The following DNAH6 variants were observed in gnomAD, a reference collection of about 807,000 sequenced individuals.
The protein encoded by DNAH6 is dynein axonemal heavy chain 6.
DNAH6 carries 340 observed loss-of-function variants against 491.4 expected under a neutral mutation model. The ratio of observed to expected loss-of-function variants is 0.69; its 90% confidence interval spans 0.63 to 0.76. DNAH6 has a LOEUF of 0.76. Among genes scored for constraint, DNAH6 ranks in the 30% least tolerant of loss-of-function variants. The probability of loss-of-function intolerance (pLI) is 0.00; values close to 1 mark genes in which losing one functional copy is unlikely to be tolerated. For missense variants in DNAH6, 4,443 were observed against 4,972.2 expected, an observed-to-expected ratio of 0.89 and a Z score of 3.20; for synonymous variants, 1,603 against 1,686.1, an observed-to-expected ratio of 0.95 and a Z score of 1.21.
intron 10 of DNAH6, among the ~76,000 whole-genome samples, chr2:84,554,847 G>T (rs1229523844): frequency 1.3e-5 from 2 of 152,206 alleles, no homozygotes; most frequent in Non-Finnish European, 2.9e-5. Flanking sequence ...ACAAAAGGAG[G>T]CTCTGTCACA....
At chr2:84,587,548 A>G (rs1683688717) in intron 15 of DNAH6, among the ~76,000 whole-genome samples, 1 of 152,236 alleles carries the variant, frequency 6.6e-6, no homozygotes, top group African/African-American at 2.4e-5. Flanking sequence ...TAACTTCATC[A>G]TTTACATAAA....
intron 2 of DNAH6, among the ~76,000 whole-genome samples, chr2:84,521,425 T>C (rs1174910919): frequency 6.6e-6 from 1 of 151,958 alleles, no homozygotes; most frequent in African/African-American, 2.4e-5. Context: ...TGTAGGTTGT[T>C]TTTTCACTCT....
At chr2:84,518,133 A>G in intron 2 of DNAH6, 82 bp downstream of exon 2, 1 of 1,023,388 alleles carries the variant, frequency 9.8e-7, no homozygotes, top group East Asian at 2.6e-5. Flanking sequence ...AGTCATGTCC[A>G]GACTCTGAAC....
intron 66 of DNAH6, 135 bp from the exon 67 acceptor site, chr2:84,785,475 A>G (rs1677088047): frequency 1.1e-5 from 10 of 874,912 alleles, no homozygotes; most frequent in Non-Finnish European, 1.6e-5. Flanking sequence ...CGAACATGCC[A>G]GGAATGGTCC....
chr2:84,659,214 A>G, intron 37 of DNAH6, 45 bp downstream of exon 37: 1 of 1,107,760 alleles, frequency 9.0e-7, no homozygotes. Flanking sequence ...ATTCTGAATT[A>G]TTTAAATTTT....
chr2:84,768,103 G>C (rs1259800139), intron 64 of DNAH6, among the ~76,000 whole-genome samples: 2 of 152,000 alleles, frequency 1.3e-5, no homozygotes, highest in Non-Finnish European at 2.9e-5. Flanking sequence ...CAGAATAATG[G>C]AGGAACTATA....
intron 68 of DNAH6, among the ~76,000 whole-genome samples, chr2:84,794,846 A>C (rs1203221225): frequency 6.8e-6 from 1 of 147,518 alleles, no homozygotes; most frequent in African/African-American, 2.5e-5. Context: ...CCAAAGGACT[A>C]TAAATCATGC....
chr2:84,666,071 T>A (rs1692094957), intron 37 of DNAH6, among the ~76,000 whole-genome samples: 1 of 152,054 alleles, frequency 6.6e-6, no homozygotes, highest in Non-Finnish European at 1.5e-5. Flanking sequence ...CTAAAAACTC[T>A]CAATAAACTA....
intron 56 of DNAH6, among the ~76,000 whole-genome samples, 175 bp from the exon 57 acceptor site, chr2:84,712,920 T>A (rs941985643): frequency 6.6e-6 from 1 of 152,230 alleles, no homozygotes; most frequent in Non-Finnish European, 1.5e-5. Context: ...ATAAAATGCT[T>A]ACTGGAAAAT....
At chr2:84,608,240 A>G (rs1366949727) in intron 21 of DNAH6, among the ~76,000 whole-genome samples, 1 of 12,848 alleles carries the variant, frequency 7.8e-5, no homozygotes, top group Non-Finnish European at 3.2e-4. Flanking sequence ...TGAATCTCTC[A>G]AAGTCATCTA....
chr2:84,548,377 G>A lies in DNAH6; in HGVS notation c.1276G>A (p.Glu426Lys), dbSNP rs1679001369. Residue 426 changes from glutamate (E) to lysine (K), a missense_variant, in exon 8 of 77, where the codon GAA becomes AAA. By Grantham distance (56) the Glu-to-Lys change is moderately conservative. Around this residue, in one of 3 missense-constraint regions of DNAH6, gnomAD observed 2,977 missense variants for 3,296.6 expected, o/e 0.90. Coordinates refer to ENST00000389394, the MANE Select transcript of DNAH6 (RefSeq NM_001370.2). ...YGDSEKMTYT[E>K]QASKRHYCMR... is the part of the protein sequence containing the mutation. Reference sequence around the variant, plus strand: ...AGACTCTGAGAAAATGACATATACAGAACAGGCCAGCAAAAGGCATTATTG... The same window carrying A: ...AGACTCTGAGAAAATGACATATACAAAACAGGCCAGCAAAAGGCATTATTG... The A allele has an allele frequency of 9.9e-6, 16 of 1,613,986 alleles. No homozygotes were observed. Among genetic ancestry groups the A allele is most frequent in the Non-Finnish European group, 1.3e-5 (15 of 1,179,942 alleles).
rs750756488 is a variant in DNAH6, at chr2:84,624,620, A to G, written c.4353A>G (p.Thr1451=). 13 of 1,551,014 alleles carry G rather than the reference A, an allele frequency of 8.4e-6. No homozygotes were observed. Among genetic ancestry groups the G allele is most frequent in the Admixed American group, 2.0e-5 (1 of 50,894 alleles). The change falls in exon 28 of 77, where the codon ACA becomes ACG. Residue 1451 remains threonine (T), a splice_region_variant and synonymous_variant. Coordinates refer to ENST00000389394, the MANE Select transcript of DNAH6 (RefSeq NM_001370.2). Reference sequence around the variant, plus strand: ...CAAGATTGGTTATTACTCCACTCACAGTAAGTTATTGATCACTTGGGTTAA... The same window carrying G: ...CAAGATTGGTTATTACTCCACTCACGGTAAGTTATTGATCACTTGGGTTAA... ...ACPRLVITPL[T]DRCYLCLMGA...
chr2:84,811,003 C>T (rs1292770394), intron 72 of DNAH6, among the ~76,000 whole-genome samples: 2 of 152,206 alleles, frequency 1.3e-5, no homozygotes, highest in Admixed American at 6.5e-5. Context: ...CTACTTCTTC[C>T]TATTTCCAGG....
At chr2:84,796,233 A>C (rs887904317) in intron 68 of DNAH6, 73 bp from the exon 69 acceptor site, 4 of 1,062,774 alleles carry the variant, frequency 3.8e-6, no homozygotes, top group Admixed American at 3.2e-5. Flanking sequence ...ATAAACATTA[A>C]AAATTTAAAA....
chr2:84,581,694 A>G lies in DNAH6; in HGVS notation c.2229+2015A>G, dbSNP rs190949401. Among the ~76,000 whole-genome samples, 13 of 152,362 alleles carry G rather than the reference A, an allele frequency of 8.5e-5. No individual in the cohort carries two copies. In the East Asian group the frequency reaches 2.5e-3, roughly 29 times the overall value. On this transcript the variant is annotated intron_variant, in intron 14 of 76. Coordinates refer to ENST00000389394, the MANE Select transcript of DNAH6 (RefSeq NM_001370.2). ...AGCAATTTAAAAAACAGATTTAGCT[A>G]TGGAGAAAGAATGTTTAGTTGAAAG...
chr2:84,492,684 A>G, the DNAH6 span, among the ~76,000 whole-genome samples: 5 of 152,176 alleles, frequency 3.3e-5, no homozygotes, highest in Admixed American at 2.6e-4. Flanking sequence ...TCTTACATCT[A>G]TGGGAATAAT....
At chr2:84,516,986 CATATT>C (rs1486555545) in intron 1 of DNAH6, among the ~76,000 whole-genome samples, 1 of 152,142 alleles carries the variant, frequency 6.6e-6, no homozygotes, top group Non-Finnish European at 1.5e-5. Flanking sequence ...GTAAATAAAA[CATATT>C]ATTAAAATTA....
At chr2:84,726,702 A>C (rs1382166575) in intron 60 of DNAH6, among the ~76,000 whole-genome samples, 2 of 152,304 alleles carry the variant, frequency 1.3e-5, no homozygotes, top group South Asian at 4.1e-4. Context: ...GCAGCACACC[A>C]ACATGGCACA....
In DNAH6 at chr2:84,688,480, T is replaced by G; in HGVS notation, c.7179T>G (p.Pro2393=). ...DKADRIYDDM[P]DIEKTANVLQ... ...CTGATCGGATTTATGATGACATGCC[T>G]GATATAGAGAAAACTGCAAATGTTC... The change falls in exon 45 of 77, where the codon CCT becomes CCG. Residue 2393 remains proline (P), a synonymous_variant. Coordinates refer to ENST00000389394, the MANE Select transcript of DNAH6 (RefSeq NM_001370.2). 2.6e-6 allele frequency: 4 copies of G among 1,538,816 alleles called. No individual in the cohort carries two copies. The highest frequency in any genetic ancestry group is 3.5e-6 in the Non-Finnish European group (4 of 1,144,412).
Sources: allele counts gnomAD v4.1 joint callset (sites outside exome capture counted in the v4.1 genomes callset), GRCh38; gene constraint gnomAD v4.1.1; regional missense constraint gnomAD v4.1.1; transcripts MANE v1.5; gene names NCBI Gene and HGNC (gene_info 2026-07-23, HGNC 2026-07-21).